The following C1QTNF7 variants were observed in gnomAD, a reference collection of about 807,000 sequenced individuals.
C1QTNF7 encodes complement C1q tumor necrosis factor-related protein 7.
A neutral mutation model predicts 19.6 loss-of-function variants in C1QTNF7; 15 were observed. The ratio of observed to expected loss-of-function variants is 0.76; its 90% CI spans 0.51 to 1.18. The LOEUF (loss-of-function observed/expected upper bound fraction) is 1.18, where lower values mean the gene tolerates loss of function less well. Ranked by LOEUF, C1QTNF7 falls within the 50% of genes most tolerant of loss-of-function variation. C1QTNF7 has a pLI of 0.00. For synonymous variants in C1QTNF7, 142 were observed against 137.5 expected, an observed-to-expected ratio of 1.03 and a Z score of -0.23; for missense variants, 324 against 359.7, an observed-to-expected ratio of 0.90 and a Z score of 0.80.
intron 1 of C1QTNF7, among the ~76,000 whole-genome samples, chr4:15,393,159 G>C (rs149781669): frequency 3.1e-3 from 473 of 152,218 alleles, no homozygotes; most frequent in Non-Finnish European, 5.4e-3. Context: ...CCTCTTTTCT[G>C]TCTTGTCTGC....
At chr4:15,425,843 TGTGA>T (rs1421011926), upstream of C1QTNF7, among the ~76,000 whole-genome samples, 1 of 151,992 alleles carries the variant, frequency 6.6e-6, no homozygotes, top group Non-Finnish European at 1.5e-5. Context: ...AAAAATGGTG[TGTGA>T]GTGTGTGTGT....
At chr4:15,342,712 G>T (rs1716588766) in intron 1 of C1QTNF7, among the ~76,000 whole-genome samples, 1 of 152,222 alleles carries the variant, frequency 6.6e-6, no homozygotes, top group South Asian at 2.1e-4. Flanking sequence ...AAGTAGCTTG[G>T]GCCTGGCGGG....
chr4:15,424,277 C>T (rs1269582222), upstream of C1QTNF7, among the ~76,000 whole-genome samples: 1 of 152,202 alleles, frequency 6.6e-6, no homozygotes, highest in Non-Finnish European at 1.5e-5. Context: ...TTCACTCTTC[C>T]CCCATCTCCT....
Position 15,420,826 on chromosome 4 carries a change from C to CTTTTTT in C1QTNF7, c.14-14886_14-14881dup, listed in dbSNP as rs61609914. Among the ~76,000 whole-genome samples the CTTTTTT allele has an allele frequency of 5.5e-3, 362 of 66,224 alleles. 35 individuals are homozygous for CTTTTTT. The highest frequency in any genetic ancestry group is 0.018 in the Middle Eastern group (1 of 56). 43.4% of individuals were successfully genotyped at this position (66,224 alleles called of 152,430 possible). A position where few individuals can be genotyped will look rare whatever the true frequency, so the allele number is the denominator to read the frequency against. ...CTAGGGTAACATTCCACTGCTTTGTCTTTTTTTTTTTTTTTTTTTTTTTTT... is the reference window on the plus strand; with the variant it reads ...CTAGGGTAACATTCCACTGCTTTGTCTTTTTTTTTTTTTTTTTTTTTTTTTTTTTTT... On this transcript the variant is annotated intron_variant, in intron 1 of 2. Transcript: ENST00000295297.
At chr4:15,434,342 G>A (rs1712443179) in intron 1 of C1QTNF7, among the ~76,000 whole-genome samples, 1 of 152,094 alleles carries the variant, frequency 6.6e-6, no homozygotes. Flanking sequence ...GCAATTTTCT[G>A]GGTCTAATTC....
At chr4:15,426,823 A>C (rs377375648), upstream of C1QTNF7, among the ~76,000 whole-genome samples, 7 of 152,322 alleles carry the variant, frequency 4.6e-5, no homozygotes, top group East Asian at 7.7e-4. Flanking sequence ...ACCTGAAATT[A>C]AGCTTGTAAA....
chr4:15,394,094 G>T (rs1205745934), intron 1 of C1QTNF7, among the ~76,000 whole-genome samples: 2 of 152,228 alleles, frequency 1.3e-5, no homozygotes, highest in African/African-American at 4.8e-5. Context: ...GAGAGAATGA[G>T]CCTGTGAAGG....
chr4:15,397,122 C>A (rs116131573), intron 1 of C1QTNF7, among the ~76,000 whole-genome samples: 1 of 152,154 alleles, frequency 6.6e-6, no homozygotes, highest in South Asian at 2.1e-4. Context: ...TGTTCACTAC[C>A]ATGAGAACGA....
At chr4:15,356,286 T>C (rs1717144259) in intron 1 of C1QTNF7, among the ~76,000 whole-genome samples, 1 of 152,074 alleles carries the variant, frequency 6.6e-6, no homozygotes, top group Admixed American at 6.5e-5. Flanking sequence ...GTGTGTGATA[T>C]TCCCCTCGTG....
At chr4:15,437,883 G>C (rs548431095) in intron 2 of C1QTNF7, among the ~76,000 whole-genome samples, 1 of 152,224 alleles carries the variant, frequency 6.6e-6, no homozygotes, top group African/African-American at 2.4e-5. Context: ...TCTATACGTA[G>C]CCAGCTATCC....
At position 15,445,398 on chromosome 4, in the gene C1QTNF7, AT is replaced by A. The variant is rs1216634370; in HGVS notation, c.*2603del. 6.6e-6 allele frequency: 1 copy of A among 152,178 alleles called. No homozygotes were observed. The highest frequency in any genetic ancestry group is 1.5e-5 in the Non-Finnish European group (1 of 68,024). The allele number at this position is 152,178 out of a possible 1,614,324, so 9.4% of individuals were successfully genotyped here. On this transcript the variant is annotated 3_prime_UTR_variant, in exon 3 of 3. Transcript: ENST00000444304. ...TGAACCACAAATCACTGTGATTAAA[AT>A]TTTCTTCTGATCGTAATCCACGAAT...
chr4:15,424,582 C>T (rs1711951553), upstream of C1QTNF7, among the ~76,000 whole-genome samples: 1 of 152,156 alleles, frequency 6.6e-6, no homozygotes, highest in Admixed American at 6.5e-5. Context: ...CTCAGGAAGT[C>T]CCATCACGAT....
chr4:15,395,868 A>G (rs1718762660), intron 1 of C1QTNF7, among the ~76,000 whole-genome samples: 1 of 152,192 alleles, frequency 6.6e-6, no homozygotes, highest in South Asian at 2.1e-4. Context: ...TCATCTGGCC[A>G]GTCAGTGGTG....
chr4:15,420,600 G>C (rs1259059493), intron 1 of C1QTNF7, among the ~76,000 whole-genome samples: 3 of 152,088 alleles, frequency 2.0e-5, no homozygotes, highest in South Asian at 4.1e-4. Flanking sequence ...ACTTCATTTG[G>C]ATATTTTTAA....
chr4:15,426,502 TGAA>T (rs1712061585), upstream of C1QTNF7, among the ~76,000 whole-genome samples: 1 of 152,154 alleles, frequency 6.6e-6, no homozygotes, highest in Non-Finnish European at 1.5e-5. Context: ...CAATTTTTAT[TGAA>T]GAACAGAAAA....
intron 1 of C1QTNF7, among the ~76,000 whole-genome samples, chr4:15,417,306 G>C (rs1290439858): frequency 6.6e-6 from 1 of 152,120 alleles, no homozygotes; most frequent in African/African-American, 2.4e-5. Flanking sequence ...ATACTACTAA[G>C]CAGCTATTCC....
chr4:15,443,809 A>G lies in C1QTNF7; in HGVS notation c.*1010A>G, dbSNP rs964594054. 6.6e-6 allele frequency: 1 copy of G among 152,248 alleles called. No homozygotes were observed. Among genetic ancestry groups the G allele is most frequent in the African/African-American group, 2.4e-5 (1 of 41,460 alleles). The allele number at this position is 152,248 out of a possible 1,614,324, so 9.4% of individuals were successfully genotyped here. Reference sequence around the variant, plus strand: ...AAACATTTGTCCTAATAGCTTTCTCATAAATATGGGCACCACTTTACATTG... The same window carrying G: ...AAACATTTGTCCTAATAGCTTTCTCGTAAATATGGGCACCACTTTACATTG... On this transcript the variant is annotated 3_prime_UTR_variant, in exon 3 of 3. Coordinates refer to ENST00000444304, the MANE Select transcript of C1QTNF7 (RefSeq NM_031911.5).
intron 1 of C1QTNF7, chr4:15,373,772 T>A (rs1382132072): frequency 6.6e-6 from 1 of 152,190 alleles, no homozygotes; most frequent in Non-Finnish European, 1.5e-5. Context: ...CCATATTCTA[T>A]CTCATTTCCT....
chr4:15,426,221 G>T (rs1013566521), upstream of C1QTNF7, among the ~76,000 whole-genome samples: 1 of 152,202 alleles, frequency 6.6e-6, no homozygotes. Context: ...TCCTTGGGGT[G>T]AGTGGCAGGT....
Sources: gnomAD v4.1 joint callset for allele counts (sites outside exome capture counted in the v4.1 genomes callset) on GRCh38, gnomAD v4.1.1 for gene constraint, MANE v1.5 for transcripts, NCBI Gene and HGNC (gene_info 2026-07-23, HGNC 2026-07-21) for gene names.